RSU1: variants seen among roughly 807,000 people sequenced by gnomAD.
RSU1 encodes the protein rsu-1.
RSU1 carries 26 observed loss-of-function variants against 31.1 expected under a neutral mutation model. That is an observed-to-expected ratio of 0.84 (90% confidence interval 0.61 to 1.16). RSU1 has a LOEUF of 1.16. RSU1 is among the 50% of genes most tolerant of loss of function. The pLI, the probability that RSU1 is intolerant of heterozygous loss-of-function variation, is 0.00. For missense variants in RSU1, 320 were observed against 339.1 expected, an observed-to-expected ratio of 0.94 and a Z score of 0.44; for synonymous variants, 164 against 136.3, an observed-to-expected ratio of 1.20 and a Z score of -1.41.
At chr10:16,802,214 A>G (rs72771339) in intron 2 of RSU1, among the ~76,000 whole-genome samples, 55,057 of 150,080 alleles carry the variant, frequency 0.37, 13,208 homozygotes, top group African/African-American at 0.69. Context: ...AAGAACGAAC[A>G]AATTACAAAC....
chr10:16,733,030 A>C (rs1836546930), intron 7 of RSU1, among the ~76,000 whole-genome samples: 1 of 152,136 alleles, frequency 6.6e-6, no homozygotes, highest in African/African-American at 2.4e-5. Flanking sequence ...CAGCTCACAG[A>C]AATATCTTAT....
intron 7 of RSU1, among the ~76,000 whole-genome samples, chr10:16,713,876 T>C (rs1836071617): frequency 6.6e-6 from 1 of 152,114 alleles, no homozygotes; most frequent in African/African-American, 2.4e-5. Flanking sequence ...AAGGTGTCAT[T>C]TGAGTGTGGT....
chr10:16,779,819 A>C (rs1430791412), intron 3 of RSU1, among the ~76,000 whole-genome samples: 1 of 152,182 alleles, frequency 6.6e-6, no homozygotes, highest in Non-Finnish European at 1.5e-5. Context: ...CACTTGAAAA[A>C]CCATAGCAAA....
intron 7 of RSU1, among the ~76,000 whole-genome samples, chr10:16,718,486 G>A (rs1836189187): frequency 6.6e-6 from 1 of 152,070 alleles, no homozygotes; most frequent in African/African-American, 2.4e-5. Flanking sequence ...TTTTTGTTTG[G>A]TAGTAGTCTG....
chr10:16,620,770 A>G (rs916607086), intron 8 of RSU1, among the ~76,000 whole-genome samples: 2 of 151,924 alleles, frequency 1.3e-5, no homozygotes, highest in Non-Finnish European at 2.9e-5. Flanking sequence ...GTGTGAACCC[A>G]GGAGGCGGAG....
intron 7 of RSU1, chr10:16,727,307 A>G: frequency 3.1e-6 from 1 of 321,810 alleles, no homozygotes; most frequent in Non-Finnish European, 6.3e-6. Context: ...AAAGCACCCA[A>G]TTCAACTTTT....
chr10:16,667,055 A>ACAAC (rs1554765067), intron 8 of RSU1, among the ~76,000 whole-genome samples: 2 of 151,642 alleles, frequency 1.3e-5, no homozygotes, highest in African/African-American at 2.4e-5. Flanking sequence ...AACAACAACA[A>ACAAC]AAAACAAAGA....
At chr10:16,760,275 C>T (rs1209790371) in intron 4 of RSU1, among the ~76,000 whole-genome samples, 11 of 152,004 alleles carry the variant, frequency 7.2e-5, no homozygotes, top group Non-Finnish European at 1.5e-4. Flanking sequence ...TTTGGGAGGC[C>T]GAGGCAGGTG....
At chr10:16,679,826 G>A (rs1033715113) in intron 8 of RSU1, among the ~76,000 whole-genome samples, 11 of 150,684 alleles carry the variant, frequency 7.3e-5, no homozygotes, top group South Asian at 4.2e-4. Context: ...GCAAAGATAC[G>A]GTGATGGAAA....
intron 3 of RSU1, among the ~76,000 whole-genome samples, chr10:16,776,833 C>T (rs557738311): frequency 4.0e-4 from 60 of 151,296 alleles, no homozygotes; most frequent in Middle Eastern, 3.4e-3. Flanking sequence ...AAACTACTGC[C>T]GTATTTAAGC....
intron 8 of RSU1, among the ~76,000 whole-genome samples, chr10:16,642,383 A>T (rs1198633308): frequency 6.6e-6 from 1 of 152,196 alleles, no homozygotes; most frequent in Non-Finnish European, 1.5e-5. Context: ...CACCAATGCC[A>T]GCTTCTCACC....
intron 4 of RSU1, among the ~76,000 whole-genome samples, chr10:16,755,945 A>G (rs992272417): frequency 5.3e-5 from 8 of 152,212 alleles, no homozygotes; most frequent in Admixed American, 2.0e-4. Context: ...GTGAAACTTA[A>G]TCACTGCTTT....
intron 2 of RSU1, among the ~76,000 whole-genome samples, chr10:16,788,263 C>T (rs367882204): frequency 2.0e-5 from 3 of 152,188 alleles, no homozygotes; most frequent in African/African-American, 7.2e-5. Context: ...TTTCCCGTTA[C>T]CAAGCCATCC....
At chr10:16,773,811 A>G (rs7915983) in intron 3 of RSU1, among the ~76,000 whole-genome samples, 34,307 of 152,128 alleles carry the variant, frequency 0.23, 4,384 homozygotes, top group African/African-American at 0.36. Context: ...CTTCACAGAG[A>G]AAGATGAGCA....
At chr10:16,795,353 CAAAA>C (rs532677802) in intron 2 of RSU1, among the ~76,000 whole-genome samples, 2 of 75,208 alleles carry the variant, frequency 2.7e-5, no homozygotes, top group Non-Finnish European at 5.5e-5. Flanking sequence ...GACTCCATCT[CAAAA>C]AAAAAAAAAA....
At chr10:16,782,913 A>G (rs979901158) in intron 2 of RSU1, among the ~76,000 whole-genome samples, 1 of 96,916 alleles carries the variant, frequency 1.0e-5, no homozygotes, top group African/African-American at 3.6e-5. Flanking sequence ...AATTTTTCCT[A>G]TTTTTTTTTT....
chr10:16,709,802 A>G (rs1835981223), intron 7 of RSU1, among the ~76,000 whole-genome samples: 1 of 151,988 alleles, frequency 6.6e-6, no homozygotes, highest in African/African-American at 2.4e-5. Context: ...TTCTTTTGAG[A>G]AGTGTCTGTT....
chr10:16,651,360 CT>C (rs1189205361), intron 8 of RSU1, among the ~76,000 whole-genome samples: 1 of 152,148 alleles, frequency 6.6e-6, no homozygotes, highest in Non-Finnish European at 1.5e-5. Flanking sequence ...TTCAAATGTA[CT>C]TTGTTTGAAA....
intron 2 of RSU1, among the ~76,000 whole-genome samples, chr10:16,795,614 T>C (rs1838014450): frequency 6.6e-6 from 1 of 152,140 alleles, no homozygotes; most frequent in African/African-American, 2.4e-5. Flanking sequence ...AAAAGCTGTT[T>C]CCAAACAAGA....
Sources: gnomAD v4.1 joint callset for allele counts (sites outside exome capture counted in the v4.1 genomes callset) on GRCh38, gnomAD v4.1.1 for gene constraint, MANE v1.5 for transcripts, NCBI Gene and HGNC (gene_info 2026-07-23, HGNC 2026-07-21) for gene names.